SYTL3: variants seen among roughly 807,000 people sequenced by gnomAD.
The protein encoded by SYTL3 is synaptotagmin-like protein 3.
A neutral mutation model predicts 82.1 loss-of-function variants in SYTL3; 88 were observed. That is an observed-to-expected ratio of 1.07 (90% confidence interval 0.90 to 1.28). The LOEUF is 1.28. SYTL3 is among the 50% of genes most tolerant of loss of function. The probability of loss-of-function intolerance (pLI) is 0.00; values close to 1 mark genes in which losing one functional copy is unlikely to be tolerated. For missense variants in SYTL3, 831 were observed against 757.6 expected (o/e 1.10, Z -1.14); for synonymous variants, 311 against 289.4 (o/e 1.07, Z -0.76).
chr6:158,664,768 G>C (rs974040119), intron 4 of SYTL3, among the ~76,000 whole-genome samples: 1 of 152,058 alleles, frequency 6.6e-6, no homozygotes, highest in Admixed American at 6.6e-5. Flanking sequence ...TGTTTCTTGG[G>C]ATTGGCTCAT....
intron 2 of SYTL3, among the ~76,000 whole-genome samples, chr6:158,652,179 C>T (rs866718842): frequency 1.3e-5 from 2 of 152,038 alleles, no homozygotes; most frequent in Middle Eastern, 3.2e-3. Context: ...CCACCCACCT[C>T]GGCCTCCCAA....
At chr6:158,660,415 G>C (rs192695107) in intron 2 of SYTL3, among the ~76,000 whole-genome samples, 1 of 152,372 alleles carries the variant, frequency 6.6e-6, no homozygotes, top group East Asian at 1.9e-4. Flanking sequence ...ATGGGCACTA[G>C]GGGGAGCGTG....
intron 10 of SYTL3, among the ~76,000 whole-genome samples, chr6:158,718,696 A>G (rs966227137): frequency 3.9e-5 from 6 of 152,250 alleles, no homozygotes; most frequent in African/African-American, 1.4e-4. Context: ...TCCCTTAGTA[A>G]AGGCTTCTAG....
At chr6:158,682,899 AGCTT>A in intron 5 of SYTL3, 22 bp from the exon 6 acceptor site, 1 of 1,589,958 alleles carries the variant, frequency 6.3e-7, no homozygotes, top group Non-Finnish European at 8.6e-7. Flanking sequence ...CTCTCTCTGA[AGCTT>A]CCTTTCTGCT....
chr6:158,737,107 G>T (rs1303614942), intron 11 of SYTL3, among the ~76,000 whole-genome samples: 1 of 151,658 alleles, frequency 6.6e-6, no homozygotes, highest in Non-Finnish European at 1.5e-5. Context: ...ACATTTTGTG[G>T]CATTTTTAAA....
rs146498881 is a variant in SYTL3 at position 158,725,627 on chromosome 6, G to T, written c.845G>T (p.Gly282Val). The change falls in exon 11 of 18, where the codon GGT (glycine) becomes GTT (valine). Residue 282 changes from glycine to valine, a missense_variant. Transcript: ENST00000611299. ...SPAPSTIFSG[G>V]FRHGSLISID... ...GCACCCAGTACCATATTCTCTGGAGGTTTTAGACACGTGAGTCTCATTCCA... is the reference window on the plus strand; with the variant it reads ...GCACCCAGTACCATATTCTCTGGAGTTTTTAGACACGTGAGTCTCATTCCA... 2.5e-6 allele frequency: 4 copies of T among 1,613,456 alleles called. No homozygotes were observed. The African/African-American group carries it at 5.3e-5, about 22-fold the overall frequency.
chr6:158,753,447 T>C (rs1221458479), intron 13 of SYTL3, among the ~76,000 whole-genome samples: 1 of 150,196 alleles, frequency 6.7e-6, no homozygotes, highest in Non-Finnish European at 1.5e-5. Flanking sequence ...ATGCAGATTC[T>C]GGGCCGGGCG....
chr6:158,730,601 C>T (rs994399611), intron 11 of SYTL3, among the ~76,000 whole-genome samples: 11 of 152,232 alleles, frequency 7.2e-5, no homozygotes, highest in African/African-American at 2.4e-4. Flanking sequence ...CCCTGTGTGA[C>T]GAATAAACCT....
chr6:158,760,020 A>ACT (rs1789695443), intron 14 of SYTL3, among the ~76,000 whole-genome samples: 1 of 151,176 alleles, frequency 6.6e-6, no homozygotes. Flanking sequence ...TCTTCCCAAT[A>ACT]CTCTCCTCCC....
At position 158,740,198 on chromosome 6, in the gene SYTL3, G is replaced by A. The variant is rs532664143; in HGVS notation, c.856-5282G>A. Among the ~76,000 whole-genome samples the A allele has an allele frequency of 4.6e-5, 7 of 152,014 alleles. 1 individual carries two copies. In the South Asian group the frequency reaches 1.5e-3, roughly 32 times the overall value. On this transcript the variant is annotated intron_variant, in intron 11 of 17. Coordinates refer to ENST00000611299, the MANE Select transcript of SYTL3 (RefSeq NM_001242394.2). ...TTTTAGTAGATTCAGGTTTCACCAT[G>A]TTGGCCAGGCTGGTCTCAAATTCCT...
intron 6 of SYTL3, among the ~76,000 whole-genome samples, chr6:158,686,374 A>G (rs1047958081): frequency 7.2e-5 from 11 of 152,168 alleles, no homozygotes; most frequent in Non-Finnish European, 1.6e-4. Context: ...CTCCTTCTCT[A>G]CAATGCTTCC....
At chr6:158,734,464 G>T (rs1785871816) in intron 11 of SYTL3, among the ~76,000 whole-genome samples, 1 of 152,112 alleles carries the variant, frequency 6.6e-6, no homozygotes. Flanking sequence ...GACCTCACCA[G>T]CTCTCACCTA....
upstream of SYTL3, among the ~76,000 whole-genome samples, chr6:158,645,700 C>T (rs1387052303): frequency 6.6e-6 from 1 of 152,140 alleles, no homozygotes; most frequent in Non-Finnish European, 1.5e-5. Flanking sequence ...CGGACTGTAA[C>T]CTGGTCGGTC....
rs1562393329 is a variant in SYTL3 at position 158,701,224 on chromosome 6, GAGTGTGA to G, written c.395-6005_395-5999del. 1.9e-3 allele frequency among the ~76,000 whole-genome samples: 129 copies of G among 66,166 alleles called. 26 individuals carry two copies. The highest frequency in any genetic ancestry group is 4.6e-3 in the African/African-American group (38 of 8,200). The allele number at this position is 66,166 out of a possible 152,430, so 43.4% of individuals were successfully genotyped here. A position where few individuals can be genotyped will look rare whatever the true frequency, so the allele number is the denominator to read the frequency against. ...AGTGTGAGCTGGGGTGTAGATGAAG[GAGTGTGA>G]GCTGGGGTGTAGATGAAGGAGTGTG... On this transcript the variant is annotated intron_variant, in intron 6 of 17. Transcript: ENST00000611299.
intron 5 of SYTL3, among the ~76,000 whole-genome samples, chr6:158,677,801 T>A (rs1432746966): frequency 2.6e-5 from 4 of 152,034 alleles, no homozygotes; most frequent in Admixed American, 2.6e-4. Context: ...TGGGAGTTAC[T>A]GAGCAGTTGG....
intron 1 of SYTL3, 133 bp from the exon 2 acceptor site, chr6:158,651,616 TATTA>T (rs1788031717): frequency 6.6e-6 from 1 of 151,728 alleles, no homozygotes; most frequent in African/African-American, 2.4e-5. Context: ...TAAATAATAA[TATTA>T]ATTCTCATTT....
chr6:158,761,320 T>TTTTTTTAGAAGGG (rs1789907735), intron 15 of SYTL3, among the ~76,000 whole-genome samples: 1 of 147,040 alleles, frequency 6.8e-6, no homozygotes. Flanking sequence ...TTTTTTTTTT[T>TTTTTTTAGAAGGG]GAGACAGAGT....
At chr6:158,747,094 C>A (rs930831300) in intron 12 of SYTL3, among the ~76,000 whole-genome samples, 1 of 152,212 alleles carries the variant, frequency 6.6e-6, no homozygotes. Context: ...TCAAGCAATT[C>A]TCCTGCCTCA....
chr6:158,658,801 C>T (rs765807576), intron 2 of SYTL3, among the ~76,000 whole-genome samples: 5 of 152,050 alleles, frequency 3.3e-5, no homozygotes, highest in African/African-American at 9.7e-5. Flanking sequence ...TGGAGGCACA[C>T]GCCTGTAGTC....
Sources: allele counts gnomAD v4.1 joint callset (sites outside exome capture counted in the v4.1 genomes callset), GRCh38; gene constraint gnomAD v4.1.1; transcripts MANE v1.5; gene names NCBI Gene and HGNC (gene_info 2026-07-23, HGNC 2026-07-21).